Variants in NINJ2 observed in about 807,000 individuals in gnomAD.
NINJ2 encodes ninjurin 2.
NINJ2 carries 12 observed loss-of-function variants against 11.7 expected under a neutral mutation model. That is an observed-to-expected ratio of 1.02 (90% CI 0.66 to 1.66). NINJ2 has a LOEUF of 1.66. NINJ2 is among the 40% of genes most tolerant of loss of function. The pLI, the probability that NINJ2 is intolerant of heterozygous loss-of-function variation, is 0.00. For missense variants in NINJ2, 187 were observed against 181.8 expected (o/e 1.03, Z -0.16); for synonymous variants, 93 against 76.8 (o/e 1.21, Z -1.10).
At chr12:618,630 G>C in intron 1 of NINJ2, among the ~76,000 whole-genome samples, 1 of 152,186 alleles carries the variant, frequency 6.6e-6, no homozygotes, top group East Asian at 1.9e-4. Context: ...TGTGGCCCAG[G>C]GCCCTCTCAG....
Position 625,102 on chromosome 12 carries a change from C to CAAA in NINJ2, c.33+38223_33+38225dup, listed in dbSNP as rs200290771. The stretch of plus-strand genomic sequence containing the variant: ...GGGCAACAAGAGAGAGACTTCATCT[C>CAAA]AAAAAAAAAAAAAAAAAAGATATAT... On this transcript the variant is annotated intron_variant, in intron 1 of 3. Coordinates refer to ENST00000305108, the MANE Select transcript of NINJ2 (RefSeq NM_016533.6). 1.4e-3 allele frequency among the ~76,000 whole-genome samples: 131 copies of CAAA among 93,520 alleles called. 1 individual carries two copies. Among genetic ancestry groups the CAAA allele is most frequent in the African/African-American group, 5.4e-3 (127 of 23,508 alleles). The allele number at this position is 93,520 out of a possible 152,430, so 61.4% of individuals were successfully genotyped here. A position where few individuals can be genotyped will look rare whatever the true frequency, so the allele number is the denominator to read the frequency against.
At chr12:642,142 T>G (rs1471132) in intron 1 of NINJ2, among the ~76,000 whole-genome samples, 47,511 of 152,090 alleles carry the variant, frequency 0.31, 7,528 homozygotes, top group Non-Finnish European at 0.35. Flanking sequence ...AGTTTTCTCA[T>G]CTGTGAGTCG....
chr12:636,973 G>C (rs1448630765), intron 1 of NINJ2, among the ~76,000 whole-genome samples: 1 of 152,168 alleles, frequency 6.6e-6, no homozygotes, highest in Non-Finnish European at 1.5e-5. Context: ...ACGGCGAAAA[G>C]AAACAAGCCA....
rs1393991738 is a variant in NINJ2 at position 581,862 on chromosome 12, C to A, written c.34-15684G>T. Reference sequence around the variant, plus strand: ...CCCTCAGCAAAAGTCAATGTAAGTCCCAGGCGATGTCTAACTCAGCCCCAA... The same window carrying A: ...CCCTCAGCAAAAGTCAATGTAAGTCACAGGCGATGTCTAACTCAGCCCCAA... On this transcript the variant is annotated intron_variant, in intron 1 of 3. Transcript: ENST00000305108. This position sits in a 1 kb window ranked among gnomAD's most constrained non-coding sequence, Gnocchi z 4.9. Among the ~76,000 whole-genome samples the A allele has an allele frequency of 6.6e-6, 1 of 152,106 alleles. No individual in the cohort carries two copies. Among genetic ancestry groups the A allele is most frequent in the Non-Finnish European group, 1.5e-5 (1 of 68,014 alleles).
intron 1 of NINJ2, among the ~76,000 whole-genome samples, chr12:609,627 C>T (rs1386436041): frequency 5.3e-5 from 8 of 151,812 alleles, no homozygotes; most frequent in Admixed American, 3.9e-4. Context: ...AAAAATTAGC[C>T]GGGCGTGGTG....
intron 1 of NINJ2, among the ~76,000 whole-genome samples, chr12:604,830 C>T (rs1193849812): frequency 6.6e-6 from 1 of 152,070 alleles, no homozygotes; most frequent in African/African-American, 2.4e-5. Flanking sequence ...GACTCCTTCA[C>T]CACCCCTCAA....
chr12:590,264 C>T lies in NINJ2; in HGVS notation c.34-24086G>A, dbSNP rs116919477. On this transcript the variant is annotated intron_variant, in intron 1 of 3. Coordinates refer to ENST00000305108, the MANE Select transcript of NINJ2 (RefSeq NM_016533.6). ...AAGCGGCTCGAAGGATGGGCTGGAG[C>T]GGAGAGCCACGCGCGGGAGCCCTGC... is the stretch of plus-strand genomic sequence containing the variant. 4.5e-3 allele frequency among the ~76,000 whole-genome samples: 690 copies of T among 152,140 alleles called. 36 individuals carry two copies. In the East Asian group the frequency reaches 0.11, roughly 24 times the overall value.
intron 1 of NINJ2, among the ~76,000 whole-genome samples, chr12:641,623 T>C (rs1446858527): frequency 6.6e-6 from 1 of 152,098 alleles, no homozygotes; most frequent in East Asian, 1.9e-4. Flanking sequence ...GGCAGGCGGA[T>C]CACAAGGTCA....
chr12:573,048 CAG>C (rs1384083568), intron 1 of NINJ2, among the ~76,000 whole-genome samples: 4 of 116,598 alleles, frequency 3.4e-5, no homozygotes, highest in Non-Finnish European at 1.7e-5. Flanking sequence ...TTTTTTGAGA[CAG>C]AGTCTCGCTC....
intron 1 of NINJ2, among the ~76,000 whole-genome samples, chr12:579,397 C>T (rs902811534): frequency 3.9e-5 from 6 of 152,044 alleles, no homozygotes; most frequent in Admixed American, 2.0e-4. Flanking sequence ...CCTGCCTTCC[C>T]GAAGCCCCTG....
chr12:649,536 T>TATATATATATATATATATAC (rs1937756559), intron 1 of NINJ2, among the ~76,000 whole-genome samples: 1 of 145,894 alleles, frequency 6.9e-6, no homozygotes, highest in East Asian at 2.0e-4. Context: ...TATGTGTATA[T>TATATATATATATATATATAC]ATATATATAT....
rs576682085 is a variant in NINJ2 at position 597,488 on chromosome 12, A to G, written c.34-31310T>C. On this transcript the variant is annotated intron_variant, in intron 1 of 3. Transcript: ENST00000305108. ...GTGACACAGGAGAACATAGTCTGAC[A>G]TGGACAGACTTAAAGATTATAAGGA... Among the ~76,000 whole-genome samples the G allele has an allele frequency of 1.9e-3, 297 of 152,384 alleles. 3 individuals carry two copies. The Middle Eastern group carries it at 0.068, about 35-fold the overall frequency.
intron 1 of NINJ2, among the ~76,000 whole-genome samples, chr12:592,351 C>A (rs12229103): frequency 0.093 from 14,077 of 152,130 alleles, 892 homozygotes; most frequent in African/African-American, 0.19. Context: ...ATCCAACAAA[C>A]AGGTGTTGAA....
chr12:631,442 C>T (rs533746093), intron 1 of NINJ2, among the ~76,000 whole-genome samples: 1 of 152,318 alleles, frequency 6.6e-6, no homozygotes, highest in African/African-American at 2.4e-5. Context: ...CTGCTCAATG[C>T]AACCTCCGCC....
intron 1 of NINJ2, among the ~76,000 whole-genome samples, chr12:584,196 GT>G (rs1947601082): frequency 6.6e-6 from 1 of 152,158 alleles, no homozygotes; most frequent in African/African-American, 2.4e-5. Flanking sequence ...AATGTAAATG[GT>G]CCTTATCATT....
intron 1 of NINJ2, among the ~76,000 whole-genome samples, chr12:566,617 TC>T (rs1407655459): frequency 6.6e-6 from 1 of 152,138 alleles, no homozygotes; most frequent in East Asian, 1.9e-4. Context: ...GAAAGGCACC[TC>T]CTCTCGCATA....
intron 1 of NINJ2, among the ~76,000 whole-genome samples, chr12:623,594 T>C (rs575385406): frequency 6.6e-6 from 1 of 152,328 alleles, no homozygotes; most frequent in African/African-American, 2.4e-5. Context: ...GCAACCAGCA[T>C]GTACCCTGGG....
intron 1 of NINJ2, among the ~76,000 whole-genome samples, chr12:620,609 G>C (rs1314804172): frequency 7.0e-6 from 1 of 142,288 alleles, no homozygotes; most frequent in Non-Finnish European, 1.5e-5. Context: ...ATCCAAAAGT[G>C]GTTTTGAAGT....
chr12:658,407 A>G (rs1279467454), intron 1 of NINJ2, among the ~76,000 whole-genome samples: 3 of 152,168 alleles, frequency 2.0e-5, no homozygotes, highest in Admixed American at 6.5e-5. Context: ...CAGACACTGG[A>G]ATATTATTCA....
Sources: allele counts gnomAD v4.1 joint callset (sites outside exome capture counted in the v4.1 genomes callset), GRCh38; gene constraint gnomAD v4.1.1; non-coding constraint Gnocchi (gnomAD v3.1); transcripts MANE v1.5; gene names NCBI Gene and HGNC (gene_info 2026-07-23, HGNC 2026-07-21).